The following CALB1 variants were observed in gnomAD, a reference collection of about 807,000 sequenced individuals.
CALB1 encodes the protein calbindin.
In CALB1, 16 loss-of-function variants were observed where a neutral mutation model predicts 46.7. The observed-to-expected ratio is 0.34, with a 90% confidence interval of 0.23 to 0.52. The LOEUF is 0.52. Ranked by LOEUF, CALB1 falls within the 20% of genes least tolerant of loss-of-function variation. The pLI, the probability that CALB1 is intolerant of heterozygous loss-of-function variation, is 0.95. For missense variants in CALB1, 224 were observed against 300.3 expected, an observed-to-expected ratio of 0.75 and a Z score of 1.88; for synonymous variants, 90 against 112.8, an observed-to-expected ratio of 0.80 and a Z score of 1.28.
At chr8:90,076,731 C>G (rs1814629422) in intron 3 of CALB1, among the ~76,000 whole-genome samples, 1 of 151,934 alleles carries the variant, frequency 6.6e-6, no homozygotes, top group African/African-American at 2.4e-5. Flanking sequence ...ACCTCCAGGA[C>G]AATGCGTCTG....
chr8:90,078,181 A>G (rs1024708243), intron 3 of CALB1, 192 bp downstream of exon 3: 10 of 408,374 alleles, frequency 2.4e-5, no homozygotes, highest in Non-Finnish European at 4.3e-5. Context: ...GCCCTGGGTT[A>G]GGAATACTCT....
intron 3 of CALB1, among the ~76,000 whole-genome samples, chr8:90,069,775 G>C (rs186350642): frequency 6.6e-6 from 1 of 152,094 alleles, no homozygotes. Context: ...AAAGACAATC[G>C]TAAGGCAATG....
At chr8:90,072,381 A>T (rs919485402) in intron 3 of CALB1, among the ~76,000 whole-genome samples, 1 of 152,214 alleles carries the variant, frequency 6.6e-6, no homozygotes, top group Non-Finnish European at 1.5e-5. Flanking sequence ...TTATACTTAA[A>T]TTATTAAAAA....
intron 9 of CALB1, 89 bp downstream of exon 9, chr8:90,063,011 C>G (rs74395061): frequency 5.7e-4 from 485 of 855,532 alleles, no homozygotes; most frequent in Admixed American, 2.0e-3. Context: ...GTTTGCAGTA[C>G]TGTATTTTAT....
chr8:90,080,612 G>T (rs954941985), intron 2 of CALB1, among the ~76,000 whole-genome samples: 1 of 151,802 alleles, frequency 6.6e-6, no homozygotes, highest in East Asian at 1.9e-4. Flanking sequence ...AGGGTGGAGA[G>T]TATATAAAAC....
intron 2 of CALB1, among the ~76,000 whole-genome samples, chr8:90,080,823 C>A (rs558231182): frequency 6.6e-6 from 1 of 152,086 alleles, no homozygotes; most frequent in East Asian, 1.9e-4. Flanking sequence ...ATGTATATTA[C>A]ACAATTTTCA....
chr8:90,078,222 A>C (rs1814655228), intron 3 of CALB1, 151 bp downstream of exon 3: 3 of 490,046 alleles, frequency 6.1e-6, no homozygotes, highest in Admixed American at 4.2e-5. Flanking sequence ...ACATTTTTTA[A>C]CTTTATACTT....
Position 90,063,472 on chromosome 8 carries a change from GA to G in CALB1, c.451-12del. ...ATCAAATAGTTTCAGCTGAAAGACA[GA>G]ATGCCATTATTCTAGCTATTTGAGG... On this transcript the variant is annotated splice_polypyrimidine_tract_variant and intron_variant, in intron 6 of 10. Transcript: ENST00000265431. 6.2e-7 allele frequency: 1 copy of G among 1,603,948 alleles called. No individual in the cohort carries two copies. Among genetic ancestry groups the G allele is most frequent in the East Asian group, 2.2e-5 (1 of 44,672 alleles).
intron 3 of CALB1, among the ~76,000 whole-genome samples, chr8:90,073,286 T>C (rs1814566367): frequency 6.6e-6 from 1 of 152,118 alleles, no homozygotes; most frequent in African/African-American, 2.4e-5. Flanking sequence ...TCCCTTCAAG[T>C]GCTGGGAGTG....
In CALB1 at chr8:90,082,001, T is replaced by C. The variant is rs770219652; in HGVS notation, c.156+25A>G. ...TAATTTGGGGGTTAAAAGTCTTTTT[T>C]TCTTTTTCGCAAACTTGAACCTACC... On this transcript the variant is annotated intron_variant, in intron 2 of 10. Coordinates refer to ENST00000265431, the MANE Select transcript of CALB1 (RefSeq NM_004929.4). The C allele has an allele frequency of 4.4e-6, 7 of 1,597,584 alleles. 1 individual carries two copies. Among genetic ancestry groups the C allele is most frequent in the Middle Eastern group, 3.3e-4 (2 of 6,000 alleles).
At chr8:90,078,208 G>T in intron 3 of CALB1, 165 bp downstream of exon 3, 1 of 461,000 alleles carries the variant, frequency 2.2e-6, no homozygotes, top group East Asian at 4.0e-5. Flanking sequence ...TTTTTCATTT[G>T]TGAACATTTT....
At chr8:90,081,477 A>T in intron 2 of CALB1, 1 of 984,190 alleles carries the variant, frequency 1.0e-6, no homozygotes, top group Non-Finnish European at 1.2e-6. Context: ...AACAATAATA[A>T]TTGGTGATAG....
Position 90,067,932 on chromosome 8 carries a change from T to C in CALB1, c.372+1066A>G, listed in dbSNP as rs563579896. On this transcript the variant is annotated intron_variant, in intron 5 of 10. Transcript: ENST00000265431. ...CTGCCTTGCATATTTTCTGTGAGGA[T>C]TAAATTTTAAAATACACTTCAAGCA... Among the ~76,000 whole-genome samples the C allele has an allele frequency of 7.9e-5, 12 of 152,298 alleles. No homozygotes were observed. The East Asian group carries it at 2.3e-3, about 29-fold the overall frequency.
At chr8:90,065,164 A>T (rs1814369810) in intron 6 of CALB1, among the ~76,000 whole-genome samples, 1 of 151,618 alleles carries the variant, frequency 6.6e-6, no homozygotes. Flanking sequence ...AAATGAGCAA[A>T]CTTCGTCCAA....
chr8:90,065,877 T>C, intron 6 of CALB1, 21 bp downstream of exon 6: 1 of 1,509,330 alleles, frequency 6.6e-7, no homozygotes, highest in Non-Finnish European at 9.2e-7. Flanking sequence ...TTGGGTACAA[T>C]CTTTTCAAGA....
At chr8:90,070,396 C>A (rs1814489792) in intron 3 of CALB1, among the ~76,000 whole-genome samples, 1 of 152,124 alleles carries the variant, frequency 6.6e-6, no homozygotes, top group African/African-American at 2.4e-5. Flanking sequence ...AGAGTCAGTT[C>A]TAAAAGTTCT....
intron 3 of CALB1, 54 bp from the exon 4 acceptor site, chr8:90,069,291 C>T (rs1814457165): frequency 2.2e-6 from 3 of 1,353,080 alleles, no homozygotes; most frequent in South Asian, 1.2e-5. Flanking sequence ...AAAAACAAGT[C>T]TCTGCCATTA....
chr8:90,078,203 C>T, intron 3 of CALB1, 170 bp downstream of exon 3: 1 of 452,992 alleles, frequency 2.2e-6, no homozygotes, highest in Non-Finnish European at 3.9e-6. Context: ...AGATGTTTTT[C>T]ATTTGTGAAC....
In CALB1 at chr8:90,069,355, G is replaced by C. The variant is rs371777314; in HGVS notation, c.232-118C>G. ...TCCCTCACAGGCTAGAAAAGTAGGA[G>C]AGGAAAAACATTAGAGTCGGCTTTC... On this transcript the variant is annotated intron_variant, in intron 3 of 10. Coordinates refer to ENST00000265431, the MANE Select transcript of CALB1 (RefSeq NM_004929.4). 6.6e-6 allele frequency: 5 copies of C among 759,304 alleles called. No individual in the cohort carries two copies. In the African/African-American group the frequency reaches 7.0e-5, roughly 11 times the overall value. The allele number at this position is 759,304 out of a possible 1,614,324, so 47.0% of individuals were successfully genotyped here.
Sources: gnomAD v4.1 joint callset for allele counts (sites outside exome capture counted in the v4.1 genomes callset) on GRCh38, gnomAD v4.1.1 for gene constraint, MANE v1.5 for transcripts, NCBI Gene and HGNC (gene_info 2026-07-23, HGNC 2026-07-21) for gene names.